The following ULK1 variants were observed in gnomAD, a reference collection of about 807,000 sequenced individuals.
ULK1 encodes serine/threonine-protein kinase ULK1.
ULK1 carries 48 observed loss-of-function variants against 117.5 expected under a neutral mutation model. That is an observed-to-expected ratio of 0.41 (90% confidence interval 0.32 to 0.52). ULK1 has a LOEUF of 0.52. ULK1 is among the 20% of genes least tolerant of loss of function. ULK1 has a pLI of 0.29. For missense variants in ULK1, 1,387 were observed against 1,473.4 expected (o/e 0.94, Z 0.96); for synonymous variants, 790 against 637.8 (o/e 1.24, Z -3.60).
intron 15 of ULK1, 142 bp from the exon 16 acceptor site, chr12:131,914,210 T>G: frequency 7.3e-7 from 1 of 1,363,134 alleles, no homozygotes; most frequent in Non-Finnish European, 9.9e-7. Flanking sequence ...CCGGCTCTTT[T>G]CAGACCTGGC....
At position 131,894,990 on chromosome 12, in the gene ULK1, C is replaced by G; in HGVS notation, c.-12C>G. ...GCCACCCCCCGCCCCGCGCCCCCGG[C>G]CCGCCTGCGCCATGGAGCCCGGCCG... On this transcript the variant is annotated 5_prime_UTR_variant, in exon 1 of 28. Coordinates refer to ENST00000321867, the MANE Select transcript of ULK1 (RefSeq NM_003565.4). 1 of 1,395,626 alleles carries G rather than the reference C, an allele frequency of 7.2e-7. No homozygotes were observed. Among genetic ancestry groups the G allele is most frequent in the South Asian group, 1.4e-5 (1 of 69,910 alleles). 86.5% of individuals were successfully genotyped at this position (1,395,626 alleles called of 1,614,324 possible). A position where few individuals can be genotyped will look rare whatever the true frequency, so the allele number is the denominator to read the frequency against.
chr12:131,901,785 G>C (rs1006310058), intron 3 of ULK1, among the ~76,000 whole-genome samples: 1 of 152,054 alleles, frequency 6.6e-6, no homozygotes, highest in Non-Finnish European at 1.5e-5. Context: ...AGAGCTGCTG[G>C]GAACAGTTTT....
Position 131,909,997 on chromosome 12 carries a change from C to T in ULK1, c.804C>T (p.Asp268=), listed in dbSNP as rs1481200863. The change falls in exon 10 of 28, where the codon GAC becomes GAT. Residue 268 remains aspartate (D), a synonymous_variant. Coordinates refer to ENST00000321867, the MANE Select transcript of ULK1 (RefSeq NM_003565.4). ...AACGCAACCACAAGGACCGCATGGA[C>T]TTCGGTGAGCACCCACCAGGGGCGC... ...LLQRNHKDRM[D]FDEFFHHPFL... is the part of the protein sequence containing the mutation. The T allele has an allele frequency of 2.5e-6, 4 of 1,611,790 alleles. No homozygotes were observed. The highest frequency in any genetic ancestry group is 1.1e-5 in the South Asian group (1 of 91,064).
intron 3 of ULK1, among the ~76,000 whole-genome samples, chr12:131,899,077 C>T (rs1368449081): frequency 2.0e-5 from 3 of 150,672 alleles, no homozygotes; most frequent in Non-Finnish European, 4.4e-5. Context: ...ACAATTTTCG[C>T]CACATTGGCC....
intron 21 of ULK1, 67 bp from the exon 22 acceptor site, chr12:131,917,333 GTCGGGTTCGGC>G (rs1442003993): frequency 2.3e-5 from 23 of 987,560 alleles, no homozygotes; most frequent in Middle Eastern, 3.8e-4. Flanking sequence ...TGGGATGGGG[GTCGGGTTCGGC>G]TCGGAGGCTG....
chr12:131,904,539 G>T (rs78926815), intron 3 of ULK1, among the ~76,000 whole-genome samples: 1,609 of 152,316 alleles, frequency 0.011, 15 homozygotes, highest in Non-Finnish European at 0.016. Context: ...CCCCTGCCCA[G>T]AGGGAGCTCC....
chr12:131,921,400 C>G lies in ULK1; in HGVS notation c.*39C>G. 6.3e-7 allele frequency: 1 copy of G among 1,599,676 alleles called. No individual in the cohort carries two copies. The highest frequency in any genetic ancestry group is 8.5e-7 in the Non-Finnish European group (1 of 1,179,732). On this transcript the variant is annotated 3_prime_UTR_variant, in exon 28 of 28. Coordinates refer to ENST00000321867, the MANE Select transcript of ULK1 (RefSeq NM_003565.4). ...GCTGGGCCCCCCGTCCTGCCGAGCCCTGCAGAGTGGGCTCTGTGTGCTGGC... is the reference window on the plus strand; with the variant it reads ...GCTGGGCCCCCCGTCCTGCCGAGCCGTGCAGAGTGGGCTCTGTGTGCTGGC...
At chr12:131,912,215 C>T (rs928778582) in intron 13 of ULK1, 126 bp downstream of exon 13, 2 of 1,388,014 alleles carry the variant, frequency 1.4e-6, no homozygotes, top group Non-Finnish European at 1.9e-6. Context: ...CCCCTGGGAG[C>T]CACCGGCATC....
Position 131,918,614 on chromosome 12 carries a change from T to A in ULK1, c.2444T>A (p.Ile815Asn), listed in dbSNP as rs1188102678. 22 of 1,610,716 alleles carry A rather than the reference T, an allele frequency of 1.4e-5. No individual in the cohort carries two copies. Among genetic ancestry groups the A allele is most frequent in the Middle Eastern group, 3.3e-4 (2 of 6,048 alleles). ...CACGGCTGCAGCTTTGCCGACCCCA[T>A]TACTGCGAACCTGGAGGGGGCTGTG... ...PGHGCSFADP[I>N]TANLEGAVTF... is the part of the protein sequence containing the mutation. The change falls in exon 23 of 28, where the codon ATT becomes AAT. Residue 815 changes from isoleucine to asparagine, a missense_variant. Ile to Asn is a moderately radical substitution (Grantham distance 149). Coordinates refer to ENST00000321867, the MANE Select transcript of ULK1 (RefSeq NM_003565.4).
chr12:131,904,697 G>C (rs1889204478), intron 3 of ULK1, among the ~76,000 whole-genome samples: 1 of 152,130 alleles, frequency 6.6e-6, no homozygotes, highest in African/African-American at 2.4e-5. Flanking sequence ...GAGCTCTGAT[G>C]AGCAGGTCAG....
chr12:131,915,307 A>ACCCT, intron 17 of ULK1, 28 bp from the exon 18 acceptor site: 3 of 1,612,108 alleles, frequency 1.9e-6, no homozygotes, highest in Non-Finnish European at 1.7e-6. Flanking sequence ...TCCCAGCTGG[A>ACCCT]CCCTGACAGA....
At chr12:131,904,823 C>T (rs1427121332) in intron 3 of ULK1, among the ~76,000 whole-genome samples, 1 of 152,062 alleles carries the variant, frequency 6.6e-6, no homozygotes, top group Admixed American at 6.5e-5. Flanking sequence ...TAATGGTGGG[C>T]CCAGGTCAGG....
intron 20 of ULK1, 141 bp from the exon 21 acceptor site, chr12:131,916,812 C>G: frequency 1.0e-6 from 1 of 975,336 alleles, no homozygotes; most frequent in Non-Finnish European, 1.5e-6. Context: ...CGCCTGTAAG[C>G]TGGGGTGACA....
At chr12:131,918,987 G>A (rs1187368682) in intron 23 of ULK1, among the ~76,000 whole-genome samples, 1 of 133,938 alleles carries the variant, frequency 7.5e-6, no homozygotes, top group Non-Finnish European at 1.6e-5. Flanking sequence ...TGGGGTGTCG[G>A]GTGTGTGGGG....
chr12:131,919,433 G>A (rs1169949480), intron 24 of ULK1, 39 bp from the exon 25 acceptor site: 1 of 1,591,362 alleles, frequency 6.3e-7, no homozygotes, highest in Non-Finnish European at 8.6e-7. Flanking sequence ...CTGGGGGCCA[G>A]GACCAACCGG....
chr12:131,895,006 A>C lies in ULK1; in HGVS notation c.5A>C (p.Glu2Ala). Residue 2 changes from glutamate to alanine, a missense_variant, in exon 1 of 28, where the codon GAG (glutamate) becomes GCG (alanine). Physicochemically the swap from Glu to Ala is moderately radical, Grantham distance 107. Coordinates refer to ENST00000321867, the MANE Select transcript of ULK1 (RefSeq NM_003565.4). M[E>A]PGRGGTETVG... ...CGCCCCCGGCCCGCCTGCGCCATGG[A>C]GCCCGGCCGCGGCGGCACAGAGACC... The C allele has an allele frequency of 1.4e-6, 2 of 1,417,992 alleles. No homozygotes were observed. Among genetic ancestry groups the C allele is most frequent in the Admixed American group, 2.4e-5 (1 of 41,764 alleles). 87.8% of individuals were successfully genotyped at this position (1,417,992 alleles called of 1,614,324 possible).
intron 5 of ULK1, among the ~76,000 whole-genome samples, chr12:131,908,070 G>T (rs1889349819): frequency 1.3e-5 from 2 of 152,092 alleles, no homozygotes; most frequent in South Asian, 4.1e-4. Flanking sequence ...GGACAGTTCC[G>T]GGGACTTGGG....
rs1264208910 is a variant in ULK1 at position 131,903,967 on chromosome 12, G to A, written c.247-2925G>A. On this transcript the variant is annotated intron_variant, in intron 3 of 27. Coordinates refer to ENST00000321867, the MANE Select transcript of ULK1 (RefSeq NM_003565.4). The surrounding 1 kb of genome is among the most constrained non-coding windows in gnomAD (Gnocchi z 6.0). ...CCAGGGGTCTAGACGTGTCAGTAGC[G>A]AGGTGGGTTCCAGCACCCATGAGGC... Among the ~76,000 whole-genome samples, 1 of 152,060 alleles carries A rather than the reference G, an allele frequency of 6.6e-6. No homozygotes were observed. The highest frequency in any genetic ancestry group is 2.4e-5 in the African/African-American group (1 of 41,398).
Position 131,921,626 on chromosome 12 carries a change from C to T in ULK1, c.*265C>T, listed in dbSNP as rs541108396. On this transcript the variant is annotated 3_prime_UTR_variant, in exon 28 of 28. Coordinates refer to ENST00000321867, the MANE Select transcript of ULK1 (RefSeq NM_003565.4). ...CTGCCCCTCCAGCTGCCTGGCTCAG[C>T]AGGCGTGGGTGCCACCACCCTCTAG... is the stretch of plus-strand genomic sequence containing the variant. The T allele has an allele frequency of 1.7e-4, 109 of 622,932 alleles. No homozygotes were observed. In the East Asian group the frequency reaches 2.1e-3, roughly 12 times the overall value. 38.6% of individuals were successfully genotyped at this position (622,932 alleles called of 1,614,324 possible). A position where few individuals can be genotyped will look rare whatever the true frequency, so the allele number is the denominator to read the frequency against.
Sources: allele counts gnomAD v4.1 joint callset (sites outside exome capture counted in the v4.1 genomes callset), GRCh38; gene constraint gnomAD v4.1.1; non-coding constraint Gnocchi (gnomAD v3.1); transcripts MANE v1.5; gene names NCBI Gene and HGNC (gene_info 2026-07-23, HGNC 2026-07-21).